The following ZC3H12B variants were observed in gnomAD, a reference collection of about 807,000 sequenced individuals.
The protein encoded by ZC3H12B is zinc finger CCCH-type containing 12B, also known as probable ribonuclease ZC3H12B.
Under a neutral mutation model 43.9 loss-of-function variants are expected in ZC3H12B, and 7 were observed. The ratio of observed to expected loss-of-function variants is 0.16; its 90% confidence interval spans 0.09 to 0.30. ZC3H12B has a LOEUF of 0.30. Among genes scored for constraint, ZC3H12B ranks in the 10% least tolerant of loss-of-function variants. The pLI is 1.00. For missense variants in ZC3H12B, 475 were observed against 670.2 expected, an observed-to-expected ratio of 0.71 and a Z score of 3.22; for synonymous variants, 222 against 241.7, an observed-to-expected ratio of 0.92 and a Z score of 0.76.
At chrX:65,046,156 A>G in the ZC3H12B span, among the ~76,000 whole-genome samples, 17 of 111,678 alleles carry the variant, frequency 1.5e-4, no homozygotes, top group Non-Finnish European at 3.0e-4. Context: ...GCTTCAATTT[A>G]AAATCACCAT....
chrX:65,275,971 T>C, the ZC3H12B span, among the ~76,000 whole-genome samples: 2 of 111,640 alleles, frequency 1.8e-5, no homozygotes, highest in Non-Finnish European at 3.8e-5. Context: ...ATGATTTTAA[T>C]GAAAAATTCA....
the ZC3H12B span, among the ~76,000 whole-genome samples, chrX:65,354,224 C>G: frequency 8.9e-6 from 1 of 111,772 alleles, no homozygotes; most frequent in South Asian, 3.7e-4. Context: ...GAGCTGGCAT[C>G]TGGCCGGTGC....
the ZC3H12B span, among the ~76,000 whole-genome samples, chrX:65,313,579 C>A: frequency 8.9e-6 from 1 of 112,201 alleles, no homozygotes; most frequent in Non-Finnish European, 1.9e-5. Context: ...AGGGCAGGCC[C>A]AAACAGCTTA....
chrX:65,180,553 A>G, the ZC3H12B span, among the ~76,000 whole-genome samples: 228 of 111,765 alleles, frequency 2.0e-3, 1 homozygote, highest in African/African-American at 7.0e-3. Context: ...GCTGATAAGA[A>G]ACTTCAGCAA....
exon 5 of ZC3H12B, chrX:65,502,555 A>G (rs1292927169): frequency 8.3e-7 from 1 of 1,210,943 alleles, no homozygotes; most frequent in Admixed American, 2.2e-5. Context: ...TGCACCGCTC[A>G]GCATCCCAGA....
At chrX:65,381,929 C>A (rs1354875891) in intron 2 of ZC3H12B, among the ~76,000 whole-genome samples, 1 of 111,577 alleles carries the variant, frequency 9.0e-6, no homozygotes, top group Non-Finnish European at 1.9e-5. Context: ...CTGAATAGAC[C>A]AATAACAGGA....
At chrX:65,042,091 A>G in the ZC3H12B span, among the ~76,000 whole-genome samples, 1 of 112,575 alleles carries the variant, frequency 8.9e-6, no homozygotes, top group African/African-American at 3.2e-5. Flanking sequence ...CTATCACAGT[A>G]ATGATAATTT....
At chrX:65,211,628 T>G in the ZC3H12B span, among the ~76,000 whole-genome samples, 1 of 94,714 alleles carries the variant, frequency 1.1e-5, no homozygotes, top group African/African-American at 3.8e-5. Flanking sequence ...CCTAACAACT[T>G]AAAATTATAA....
At chrX:65,132,104 G>T in the ZC3H12B span, among the ~76,000 whole-genome samples, 2 of 111,244 alleles carry the variant, frequency 1.8e-5, no homozygotes, top group Non-Finnish European at 3.8e-5. Context: ...GGGATGAGGG[G>T]TGTAGGGGAA....
At chrX:65,231,710 GCAGTCAGAC>G in the ZC3H12B span, among the ~76,000 whole-genome samples, 5 of 111,101 alleles carry the variant, frequency 4.5e-5, no homozygotes, top group Admixed American at 1.9e-4. Context: ...GACCCCGCAG[GCAGTCAGAC>G]CTTATGGTTA....
At chrX:65,151,987 A>C in the ZC3H12B span, among the ~76,000 whole-genome samples, 1 of 112,079 alleles carries the variant, frequency 8.9e-6, no homozygotes, top group Admixed American at 9.5e-5. Context: ...AAAACACATG[A>C]TTATCTCAAT....
rs755964368 is a variant in ZC3H12B, at chrX:65,433,366, A to T, written n.407+34662A>T. ...CCAGTAGTGCTTTTGGTTTACTATT[A>T]TCATGGGTAGAGGCAGGTCTAATGG... is the stretch of plus-strand genomic sequence containing the variant. On this transcript the variant is annotated intron_variant and non_coding_transcript_variant, in intron 3 of 5. Transcript: ENST00000617377. Among the ~76,000 whole-genome samples the T allele has an allele frequency of 3.6e-5, 4 of 112,072 alleles. No individual in the cohort carries two copies. In the Admixed American group the frequency reaches 3.8e-4, roughly 11 times the overall value.
At chrX:65,253,453 C>T in the ZC3H12B span, among the ~76,000 whole-genome samples, 8 of 112,386 alleles carry the variant, frequency 7.1e-5, no homozygotes, top group South Asian at 3.7e-4. Context: ...CTCCAGCTGG[C>T]GCAGAGACCA....
intron 3 of ZC3H12B, chrX:65,469,357 C>A (rs2067874371): frequency 5.0e-6 from 2 of 400,748 alleles, no homozygotes; most frequent in Middle Eastern, 3.9e-4. Flanking sequence ...CTGGTCAATG[C>A]CAAAGGCAGC....
the ZC3H12B span, among the ~76,000 whole-genome samples, chrX:65,119,062 G>C: frequency 9.0e-6 from 1 of 110,950 alleles, no homozygotes; most frequent in Non-Finnish European, 1.9e-5. Flanking sequence ...TTGGACATTT[G>C]GGTTGGTTCC....
the ZC3H12B span, among the ~76,000 whole-genome samples, chrX:65,074,236 C>CA: frequency 1.8e-5 from 2 of 109,987 alleles, no homozygotes; most frequent in African/African-American, 6.6e-5. Flanking sequence ...TTTAGAAAGA[C>CA]AGTTTTTCTG....
intron 3 of ZC3H12B, among the ~76,000 whole-genome samples, chrX:65,442,174 G>A (rs943133186): frequency 1.8e-5 from 2 of 108,844 alleles, no homozygotes; most frequent in African/African-American, 3.4e-5. Context: ...GCATTATACA[G>A]ATTACCTCCG....
the ZC3H12B span, among the ~76,000 whole-genome samples, chrX:65,193,510 A>C: frequency 9.0e-6 from 1 of 111,413 alleles, no homozygotes; most frequent in Non-Finnish European, 1.9e-5. Flanking sequence ...AATTTTATTT[A>C]TTTGGGTTTT....
chrX:65,459,533 G>T (rs1265844811), intron 3 of ZC3H12B, among the ~76,000 whole-genome samples: 1 of 110,054 alleles, frequency 9.1e-6, no homozygotes, highest in African/African-American at 3.3e-5. Context: ...TTCATCCCTG[G>T]GATGCAAGGC....
Sources: allele counts gnomAD v4.1 joint callset (sites outside exome capture counted in the v4.1 genomes callset), GRCh38; gene constraint gnomAD v4.1.1; transcripts MANE v1.5; gene names NCBI Gene and HGNC (gene_info 2026-07-23, HGNC 2026-07-21).